Variants in CNBD1 observed in about 807,000 individuals in gnomAD.
CNBD1 encodes the protein cyclic nucleotide binding domain containing 1.
A neutral mutation model predicts 54.4 loss-of-function variants in CNBD1; 71 were observed. The observed-to-expected ratio is 1.30, with a 90% CI of 1.08 to 1.59. The LOEUF is 1.59. CNBD1 is among the 40% of genes most tolerant of loss of function. The pLI, the probability that CNBD1 is intolerant of heterozygous loss-of-function variation, is 0.00. For missense variants in CNBD1, 659 were observed against 518.0 expected, an observed-to-expected ratio of 1.27 and a Z score of -2.64; for synonymous variants, 182 against 170.7, an observed-to-expected ratio of 1.07 and a Z score of -0.51.
In CNBD1 at chr8:86,882,174, A is replaced by G. The variant is rs184479039; in HGVS notation, c.89-5368A>G. Among the ~76,000 whole-genome samples the G allele has an allele frequency of 6.6e-5, 10 of 152,350 alleles. No homozygotes were observed. The East Asian group carries it at 1.9e-3, about 29-fold the overall frequency. On this transcript the variant is annotated intron_variant, in intron 1 of 10. Coordinates refer to ENST00000518476, the MANE Select transcript of CNBD1 (RefSeq NM_173538.3). ...AATTGCAACAAAAGCAAAATTGACA[A>G]ATGAGATCTAATTAAACTAGAGTTT...
intron 8 of CNBD1, among the ~76,000 whole-genome samples, chr8:87,329,269 A>G (rs551012608): frequency 3.9e-5 from 6 of 152,094 alleles, no homozygotes; most frequent in South Asian, 2.1e-4. Flanking sequence ...CTATTTATCT[A>G]TATCTTTTTG....
At chr8:87,297,889 C>G (rs1288224200) in intron 8 of CNBD1, among the ~76,000 whole-genome samples, 25 of 151,710 alleles carry the variant, frequency 1.6e-4, no homozygotes, top group Admixed American at 1.6e-3. Context: ...ATATTTATAT[C>G]TCTATATTCT....
chr8:87,304,489 G>A (rs952272180), intron 8 of CNBD1, among the ~76,000 whole-genome samples: 6 of 151,950 alleles, frequency 3.9e-5, no homozygotes, highest in Admixed American at 2.6e-4. Flanking sequence ...CCTGTTGTGG[G>A]GTGGGGTGAG....
intron 3 of CNBD1, among the ~76,000 whole-genome samples, chr8:86,931,071 A>G (rs1809449024): frequency 6.6e-6 from 1 of 152,140 alleles, no homozygotes; most frequent in South Asian, 2.1e-4. Flanking sequence ...CTCCCTAATA[A>G]GGGTGTGGGA....
chr8:86,940,819 A>G (rs533661769), intron 4 of CNBD1, among the ~76,000 whole-genome samples: 28 of 152,336 alleles, frequency 1.8e-4, no homozygotes, highest in African/African-American at 5.5e-4. Flanking sequence ...TTTGACATTT[A>G]TGTTCTGAAG....
At chr8:87,264,154 C>T (rs577610382) in intron 6 of CNBD1, among the ~76,000 whole-genome samples, 42 of 152,028 alleles carry the variant, frequency 2.8e-4, no homozygotes, top group Non-Finnish European at 5.4e-4. Context: ...CCTCTCCCCC[C>T]ACCCCACAAC....
chr8:87,385,342 C>A (rs1245391448), downstream of CNBD1, among the ~76,000 whole-genome samples: 1 of 151,510 alleles, frequency 6.6e-6, no homozygotes, highest in Non-Finnish European at 1.5e-5. Context: ...CCGGGAAGGG[C>A]AGAGTCAGGG....
At chr8:87,125,889 A>T (rs148936955) in intron 4 of CNBD1, among the ~76,000 whole-genome samples, 2,394 of 151,944 alleles carry the variant, frequency 0.016, 64 homozygotes, top group African/African-American at 0.055. Flanking sequence ...TGCTATATAG[A>T]TCAGTTTCCA....
intron 4 of CNBD1, among the ~76,000 whole-genome samples, chr8:87,010,777 A>G (rs939312919): frequency 1.3e-5 from 2 of 152,162 alleles, no homozygotes; most frequent in Non-Finnish European, 2.9e-5. Context: ...CCATTCTGTG[A>G]TAAAATTCTC....
chr8:87,344,022 G>A (rs1293236694), intron 8 of CNBD1, among the ~76,000 whole-genome samples: 2 of 152,004 alleles, frequency 1.3e-5, no homozygotes, highest in Non-Finnish European at 2.9e-5. Flanking sequence ...GCACTAGATA[G>A]TCAATATTCT....
intron 5 of CNBD1, 100 bp from the exon 6 acceptor site, chr8:87,236,819 A>C (rs544094449): frequency 1.1e-4 from 68 of 621,316 alleles, no homozygotes; most frequent in Non-Finnish European, 1.7e-4. Flanking sequence ...CACTGAAAGA[A>C]ATACGTTGAA....
At chr8:87,154,172 C>T (rs758876166) in intron 4 of CNBD1, among the ~76,000 whole-genome samples, 2 of 151,878 alleles carry the variant, frequency 1.3e-5, no homozygotes, top group African/African-American at 2.4e-5. Flanking sequence ...TAAAAAAGAA[C>T]GATTTTTTAA....
chr8:87,147,738 AG>A (rs1812519950), intron 4 of CNBD1, among the ~76,000 whole-genome samples: 1 of 152,080 alleles, frequency 6.6e-6, no homozygotes, highest in African/African-American at 2.4e-5. Flanking sequence ...CATAACTTCA[AG>A]AATAATAAAT....
intron 3 of CNBD1, among the ~76,000 whole-genome samples, chr8:86,927,344 G>C (rs946814647): frequency 6.6e-6 from 1 of 152,134 alleles, no homozygotes; most frequent in Non-Finnish European, 1.5e-5. Context: ...GGGTCCAGGG[G>C]TGAATGGTCA....
chr8:86,941,612 C>G (rs1809657960), intron 4 of CNBD1, among the ~76,000 whole-genome samples: 1 of 152,084 alleles, frequency 6.6e-6, no homozygotes, highest in Admixed American at 6.5e-5. Flanking sequence ...TTCCAAGCAG[C>G]TATGATTCTG....
intron 6 of CNBD1, among the ~76,000 whole-genome samples, chr8:87,255,995 ATATATATATATATATATATATTTTTT>A (rs869156549): frequency 0.074 from 1,155 of 15,652 alleles, 49 homozygotes; most frequent in South Asian, 0.19. Context: ...ATATATATAT[ATATATATATATATATATATATTTTTT>A]TTTTTTTTTT....
chr8:86,986,164 G>T (rs117048522), intron 4 of CNBD1, among the ~76,000 whole-genome samples: 1 of 151,950 alleles, frequency 6.6e-6, no homozygotes, highest in South Asian at 2.1e-4. Context: ...TCCTGACTTC[G>T]TGATCTGCCT....
At chr8:87,380,251 A>AT (rs1811047147) in intron 10 of CNBD1, among the ~76,000 whole-genome samples, 1 of 152,020 alleles carries the variant, frequency 6.6e-6, no homozygotes, top group Non-Finnish European at 1.5e-5. Context: ...CCTAAATAGT[A>AT]TACAGTTAGA....
At chr8:87,102,174 A>G (rs559792873) in intron 4 of CNBD1, among the ~76,000 whole-genome samples, 1 of 152,122 alleles carries the variant, frequency 6.6e-6, no homozygotes, top group African/African-American at 2.4e-5. Context: ...GGTGTGAACC[A>G]CTTCGTCCGG....
Sources: gnomAD v4.1 joint callset for allele counts (sites outside exome capture counted in the v4.1 genomes callset) on GRCh38, gnomAD v4.1.1 for gene constraint, MANE v1.5 for transcripts, NCBI Gene and HGNC (gene_info 2026-07-23, HGNC 2026-07-21) for gene names.